Variants in PRDM2 observed in about 807,000 individuals in gnomAD.
PRDM2 encodes PR/SET domain 2.
Under a neutral mutation model 130.0 loss-of-function variants are expected in PRDM2, and 30 were observed. The ratio of observed to expected loss-of-function variants is 0.23; its 90% CI spans 0.17 to 0.31. The LOEUF is 0.31. PRDM2 is among the 10% of genes least tolerant of loss of function. PRDM2 has a pLI of 1.00. For missense variants in PRDM2, 2,011 were observed against 2,108.4 expected (o/e 0.95, Z 0.90); for synonymous variants, 871 against 782.4 (o/e 1.11, Z -1.89).
chr1:13,762,459 C>A (rs941792999), intron 6 of PRDM2, among the ~76,000 whole-genome samples: 4 of 152,204 alleles, frequency 2.6e-5, no homozygotes, highest in African/African-American at 9.6e-5. Flanking sequence ...CTTGGAGACA[C>A]AGGAACCTGC....
intron 6 of PRDM2, among the ~76,000 whole-genome samples, chr1:13,752,396 C>T (rs1374707075): frequency 6.6e-6 from 1 of 152,104 alleles, no homozygotes; most frequent in African/African-American, 2.4e-5. Flanking sequence ...AAATAAGTTC[C>T]TTAGATGGAA....
intron 5 of PRDM2, among the ~76,000 whole-genome samples, chr1:13,743,473 C>T (rs1246906667): frequency 1.3e-5 from 2 of 150,644 alleles, no homozygotes; most frequent in Non-Finnish European, 2.9e-5. Flanking sequence ...GCAGAATTTC[C>T]AGCCTGTTAA....
At chr1:13,800,776 C>T (rs766975077) in intron 8 of PRDM2, among the ~76,000 whole-genome samples, 6 of 152,200 alleles carry the variant, frequency 3.9e-5, no homozygotes, top group African/African-American at 1.2e-4. Flanking sequence ...GCTGCTGGGC[C>T]GGCTCTCACT....
intron 9 of PRDM2, among the ~76,000 whole-genome samples, chr1:13,817,300 C>T (rs116444164): frequency 0.014 from 2,188 of 152,282 alleles, 46 homozygotes; most frequent in South Asian, 0.1. Context: ...GCATTTCAGA[C>T]AAGGGATATG....
intron 6 of PRDM2, among the ~76,000 whole-genome samples, chr1:13,753,000 C>G (rs115140359): frequency 0.011 from 1,636 of 152,314 alleles, 21 homozygotes; most frequent in Middle Eastern, 0.02. Flanking sequence ...GTTTACTTCC[C>G]TGCTACTTGC....
At chr1:13,710,813 G>A (rs148765438) in intron 1 of PRDM2, among the ~76,000 whole-genome samples, 3 of 152,196 alleles carry the variant, frequency 2.0e-5, no homozygotes, top group Non-Finnish European at 2.9e-5. Flanking sequence ...TTGGCCGGGC[G>A]CGGTGGCTCA....
chr1:13,756,088 A>T (rs1484822328), intron 6 of PRDM2, among the ~76,000 whole-genome samples: 2 of 135,284 alleles, frequency 1.5e-5, no homozygotes, highest in Admixed American at 7.4e-5. Flanking sequence ...TGTCTCTTCT[A>T]AAAAAAAAAA....
At position 13,806,137 on chromosome 1, in the gene PRDM2, G is replaced by C. The variant is rs547307516; in HGVS notation, c.5037-10290G>C. 2.0e-5 allele frequency among the ~76,000 whole-genome samples: 3 copies of C among 151,790 alleles called. No homozygotes were observed. The highest frequency in any genetic ancestry group is 7.3e-5 in the African/African-American group (3 of 41,356). ...GTCCCATCTCCCTTGGCCCATCTGCGGCAGTGGACGCTGTTAATCCTTCTC... is the reference window on the plus strand; with the variant it reads ...GTCCCATCTCCCTTGGCCCATCTGCCGCAGTGGACGCTGTTAATCCTTCTC... On this transcript the variant is annotated intron_variant, in intron 8 of 9. Coordinates refer to ENST00000311066, the MANE Select transcript of PRDM2 (RefSeq NM_001393986.1). This position sits in a 1 kb window ranked among gnomAD's most constrained non-coding sequence, Gnocchi z 4.1.
intron 1 of PRDM2, among the ~76,000 whole-genome samples, chr1:13,708,971 G>A (rs967172762): frequency 1.4e-4 from 21 of 152,212 alleles, no homozygotes; most frequent in African/African-American, 4.3e-4. Flanking sequence ...ACCAAGGTTG[G>A]GGCTGTATTT....
Position 13,700,243 on chromosome 1 carries a change from A to G in PRDM2, c.-123A>G, listed in dbSNP as rs1642023587. The G allele has an allele frequency of 6.6e-6, 1 of 151,696 alleles. No homozygotes were observed. The highest frequency in any genetic ancestry group is 1.5e-5 in the Non-Finnish European group (1 of 67,998). The allele number at this position is 151,696 out of a possible 1,614,324, so 9.4% of individuals were successfully genotyped here. A position where few individuals can be genotyped will look rare whatever the true frequency, so the allele number is the denominator to read the frequency against. ...GCGGCCGCGGGCGCCGGGGCCGGCG[A>G]AACAGCGGCGGCGGCGGCGGCCCTC... On this transcript the variant is annotated 5_prime_UTR_variant, in exon 1 of 10. Coordinates refer to ENST00000311066, the MANE Select transcript of PRDM2 (RefSeq NM_001393986.1).
At chr1:13,718,778 T>C (rs1052713118) in intron 2 of PRDM2, among the ~76,000 whole-genome samples, 1 of 152,096 alleles carries the variant, frequency 6.6e-6, no homozygotes, top group African/African-American at 2.4e-5. Flanking sequence ...CTCTCCATTC[T>C]CAGATCGTAG....
At chr1:13,783,440 G>A (rs535940232) in intron 8 of PRDM2, among the ~76,000 whole-genome samples, 1 of 152,176 alleles carries the variant, frequency 6.6e-6, no homozygotes, top group African/African-American at 2.4e-5. Context: ...GGATCTGGAT[G>A]GGAAGCAGAG....
intron 1 of PRDM2, among the ~76,000 whole-genome samples, chr1:13,704,206 A>G (rs1262715000): frequency 6.6e-6 from 1 of 152,244 alleles, no homozygotes; most frequent in Non-Finnish European, 1.5e-5. Flanking sequence ...GAACATCTGT[A>G]TAATTTCACT....
chr1:13,805,961 C>T (rs1414047465), intron 8 of PRDM2, among the ~76,000 whole-genome samples: 1 of 152,130 alleles, frequency 6.6e-6, no homozygotes, highest in Non-Finnish European at 1.5e-5. Flanking sequence ...TCCCTCCACC[C>T]TTCTTGAAGC....
intron 8 of PRDM2, among the ~76,000 whole-genome samples, chr1:13,805,482 C>A (rs1236476388): frequency 6.6e-6 from 1 of 152,024 alleles, no homozygotes; most frequent in African/African-American, 2.4e-5. Context: ...GTGGGTCCTG[C>A]AGTGGATGTC....
intron 8 of PRDM2, among the ~76,000 whole-genome samples, chr1:13,793,524 T>C (rs1298777944): frequency 1.3e-5 from 2 of 152,202 alleles, no homozygotes; most frequent in South Asian, 2.1e-4. Flanking sequence ...TCAAAAGCCC[T>C]GAAAGAGAAA....
intron 8 of PRDM2, among the ~76,000 whole-genome samples, chr1:13,799,351 A>G (rs915715521): frequency 2.0e-5 from 3 of 151,982 alleles, no homozygotes; most frequent in Non-Finnish European, 4.4e-5. Flanking sequence ...AGACTGAGAC[A>G]GGAGAATCGC....
intron 6 of PRDM2, among the ~76,000 whole-genome samples, chr1:13,772,866 CCT>C (rs201881551): frequency 0.015 from 2,263 of 152,104 alleles, 40 homozygotes; most frequent in Non-Finnish European, 0.017. Context: ...TTTCTTTTCC[CCT>C]CTGTCATAAT....
chr1:13,748,927 C>G lies in PRDM2; in HGVS notation c.385-434C>G, dbSNP rs1030707386. Among the ~76,000 whole-genome samples, 24 of 152,238 alleles carry G rather than the reference C, an allele frequency of 1.6e-4. 1 individual carries two copies. Among genetic ancestry groups the G allele is most frequent in the Non-Finnish European group, 3.5e-4 (24 of 68,044 alleles). Reference sequence around the variant, plus strand: ...TTGTCCTGTTGAAGTTGCTCTTGGTCTGGAACGCGCGCTAGTCGTTGTCTT... The same window carrying G: ...TTGTCCTGTTGAAGTTGCTCTTGGTGTGGAACGCGCGCTAGTCGTTGTCTT... On this transcript the variant is annotated intron_variant, in intron 5 of 9. Coordinates refer to ENST00000311066, the MANE Select transcript of PRDM2 (RefSeq NM_001393986.1).
Sources: allele counts gnomAD v4.1 joint callset (sites outside exome capture counted in the v4.1 genomes callset), GRCh38; gene constraint gnomAD v4.1.1; non-coding constraint Gnocchi (gnomAD v3.1); transcripts MANE v1.5; gene names NCBI Gene and HGNC (gene_info 2026-07-23, HGNC 2026-07-21).